NEK10: variants seen among roughly 807,000 people sequenced by gnomAD.
NEK10 encodes the protein serine/threonine-protein kinase Nek10.
In NEK10, 122 loss-of-function variants were observed where a neutral mutation model predicts 159.8. The ratio of observed to expected loss-of-function variants is 0.76; its 90% CI spans 0.66 to 0.89. The LOEUF (loss-of-function observed/expected upper bound fraction) is 0.89, where lower values mean the gene tolerates loss of function less well. NEK10 is among the 40% of genes least tolerant of loss of function. The pLI, the probability that NEK10 is intolerant of heterozygous loss-of-function variation, is 0.00. For synonymous variants in NEK10, 466 were observed against 457.1 expected, an observed-to-expected ratio of 1.02 and a Z score of -0.25; for missense variants, 1,342 against 1,323.1, an observed-to-expected ratio of 1.01 and a Z score of -0.22.
intron 22 of NEK10, chr3:27,278,905 A>G (rs2041955134): frequency 3.0e-6 from 3 of 984,662 alleles, no homozygotes; most frequent in African/African-American, 1.7e-5. Context: ...GTCTCACCCC[A>G]TGTACCACTG....
intron 31 of NEK10, among the ~76,000 whole-genome samples, chr3:27,133,966 G>A (rs1942914227): frequency 6.6e-6 from 1 of 151,922 alleles, no homozygotes; most frequent in Admixed American, 6.6e-5. Flanking sequence ...AATCCAGATG[G>A]GATCCCTTCC....
intron 30 of NEK10, among the ~76,000 whole-genome samples, chr3:27,153,161 A>G (rs1405773401): frequency 6.6e-6 from 1 of 152,110 alleles, no homozygotes; most frequent in Non-Finnish European, 1.5e-5. Flanking sequence ...TCTACTAAAA[A>G]TACAAAAAAT....
chr3:27,258,833 C>T (rs1470244236), intron 22 of NEK10, among the ~76,000 whole-genome samples: 1 of 152,128 alleles, frequency 6.6e-6, no homozygotes. Flanking sequence ...ACAGTCCCAC[C>T]AACAGTGTAA....
chr3:27,359,149 C>T (rs1403951575), intron 1 of NEK10, among the ~76,000 whole-genome samples: 1 of 150,456 alleles, frequency 6.6e-6, no homozygotes, highest in African/African-American at 2.4e-5. Flanking sequence ...TTGCAGTGAG[C>T]CGAGACCGTG....
chr3:27,111,296 G>C lies in NEK10; in HGVS notation c.3324C>G (p.Thr1108=). ...TTCATCTTTTGGTTGGGTGATTCTTGGTCCCCCATGGATAGGAATGATACC... is the reference window on the plus strand; with the variant it reads ...TTCATCTTTTGGTTGGGTGATTCTTCGTCCCCCATGGATAGGAATGATACC... ...SNRYHSYPWG[T]KNHPTKR The change falls in exon 36 of 36, where the codon ACC becomes ACG. Residue 1108 remains threonine, a synonymous_variant. Coordinates refer to ENST00000691995, the MANE Select transcript of NEK10 (RefSeq NM_001394966.1). 6.2e-7 allele frequency: 1 copy of C among 1,607,774 alleles called. No homozygotes were observed. Among genetic ancestry groups the C allele is most frequent in the Non-Finnish European group, 8.5e-7 (1 of 1,176,796 alleles).
chr3:27,192,567 T>A (rs1324018996), intron 25 of NEK10, among the ~76,000 whole-genome samples: 1 of 148,692 alleles, frequency 6.7e-6, no homozygotes, highest in African/African-American at 2.5e-5. Flanking sequence ...GGCTGCTTTC[T>A]GAAATCACTG....
At chr3:27,261,240 T>A (rs2040386747) in intron 22 of NEK10, among the ~76,000 whole-genome samples, 1 of 152,236 alleles carries the variant, frequency 6.6e-6, no homozygotes, top group South Asian at 2.1e-4. Flanking sequence ...TGCTCTGATC[T>A]TAGTTATTTC....
intron 32 of NEK10, among the ~76,000 whole-genome samples, chr3:27,125,187 A>T (rs1439876697): frequency 6.6e-6 from 1 of 152,182 alleles, no homozygotes; most frequent in Admixed American, 6.5e-5. Flanking sequence ...GAGCAATTTT[A>T]TCATTTATTT....
intron 33 of NEK10, among the ~76,000 whole-genome samples, chr3:27,117,019 T>A (rs1235159826): frequency 6.6e-6 from 1 of 152,064 alleles, no homozygotes; most frequent in Non-Finnish European, 1.5e-5. Context: ...GTTGTTCCCC[T>A]CTCTGTGTCC....
Position 27,340,703 on chromosome 3 carries a change from A to T in NEK10, c.362+3569T>A, listed in dbSNP as rs540938697. ...AACAGCTATGATTAAAAGACAAAAA[A>T]CTAACAGATGAGGATGTGGATAAGA... On this transcript the variant is annotated intron_variant, in intron 5 of 35. Coordinates refer to ENST00000691995, the MANE Select transcript of NEK10 (RefSeq NM_001394966.1). Among the ~76,000 whole-genome samples, 5 of 152,286 alleles carry T rather than the reference A, an allele frequency of 3.3e-5. No individual in the cohort carries two copies. The East Asian group carries it at 7.7e-4, about 24-fold the overall frequency.
At chr3:27,274,855 C>T (rs1226614010) in intron 22 of NEK10, among the ~76,000 whole-genome samples, 2 of 152,096 alleles carry the variant, frequency 1.3e-5, no homozygotes, top group East Asian at 1.9e-4. Context: ...CTACTGCCTA[C>T]TCACTATGTT....
chr3:27,153,237 G>A (rs1013748531), intron 30 of NEK10, among the ~76,000 whole-genome samples: 14 of 151,384 alleles, frequency 9.2e-5, no homozygotes, highest in African/African-American at 2.4e-4. Flanking sequence ...GAAGAATGGC[G>A]TGAACCTGGG....
chr3:27,111,383 A>G, intron 35 of NEK10, 63 bp from the exon 36 acceptor site: 1 of 1,311,316 alleles, frequency 7.6e-7, no homozygotes, highest in Non-Finnish European at 1.0e-6. Flanking sequence ...CATACATTCA[A>G]TTTCAAAAAC....
rs1947314563 is a variant in NEK10 at position 27,174,507 on chromosome 3, T to C, written c.2708A>G (p.Asp903Gly). ...GTTATCCGAAATGTCCAATTCATCA[T>C]CTACCTCTGAATATGTATCTGCACA... The part of the protein sequence containing the change: ...NAEKDTYSEV[D>G]DELDISDNSS... Residue 903 changes from aspartate to glycine, a missense_variant, in exon 28 of 36, where the codon GAT becomes GGT. Coordinates refer to ENST00000691995, the MANE Select transcript of NEK10 (RefSeq NM_001394966.1). The C allele has an allele frequency of 1.2e-6, 2 of 1,612,174 alleles. No homozygotes were observed. Among genetic ancestry groups the C allele is most frequent in the Non-Finnish European group, 8.5e-7 (1 of 1,179,616 alleles).
intron 23 of NEK10, among the ~76,000 whole-genome samples, chr3:27,231,646 G>C (rs1397324085): frequency 2.6e-5 from 4 of 151,864 alleles, no homozygotes; most frequent in African/African-American, 9.7e-5. Flanking sequence ...AGCTCAATTA[G>C]CAATGAAACT....
intron 23 of NEK10, among the ~76,000 whole-genome samples, chr3:27,245,460 G>T (rs2149275444): frequency 6.6e-6 from 1 of 152,216 alleles, no homozygotes; most frequent in Non-Finnish European, 1.5e-5. Context: ...TTACTTTCTT[G>T]GAATGTTACT....
intron 30 of NEK10, among the ~76,000 whole-genome samples, chr3:27,156,200 C>A (rs765680105): frequency 6.6e-6 from 1 of 151,908 alleles, no homozygotes; most frequent in Non-Finnish European, 1.5e-5. Flanking sequence ...GATCCTAGAT[C>A]TTCTAGAATT....
intron 26 of NEK10, among the ~76,000 whole-genome samples, chr3:27,189,251 T>TA (rs1372034461): frequency 1.3e-5 from 2 of 152,226 alleles, no homozygotes; most frequent in African/African-American, 2.4e-5. Context: ...TATTAGTACT[T>TA]ACGTTTACTA....
intron 26 of NEK10, among the ~76,000 whole-genome samples, chr3:27,188,025 T>C (rs949683558): frequency 3.3e-5 from 5 of 152,226 alleles, no homozygotes; most frequent in Non-Finnish European, 7.3e-5. Flanking sequence ...CTTGGACAAG[T>C]CTTTTAACTT....
Sources: gnomAD v4.1 joint callset for allele counts (sites outside exome capture counted in the v4.1 genomes callset) on GRCh38, gnomAD v4.1.1 for gene constraint, MANE v1.5 for transcripts, NCBI Gene and HGNC (gene_info 2026-07-23, HGNC 2026-07-21) for gene names.